Variants in TRIM9 observed in about 807,000 individuals in gnomAD.
The protein encoded by TRIM9 is E3 ubiquitin-protein ligase TRIM9.
A neutral mutation model predicts 78.3 loss-of-function variants in TRIM9; 26 were observed. That is an observed-to-expected ratio of 0.33 (90% confidence interval 0.24 to 0.46). The LOEUF is 0.46. Ranked by LOEUF, TRIM9 falls within the 20% of genes least tolerant of loss-of-function variation. TRIM9 has a pLI of 1.00. For synonymous variants in TRIM9, 398 were observed against 416.5 expected, an observed-to-expected ratio of 0.96 and a Z score of 0.54; for missense variants, 787 against 1,036.4, an observed-to-expected ratio of 0.76 and a Z score of 3.30.
intron 3 of TRIM9, among the ~76,000 whole-genome samples, chr14:51,019,276 T>C (rs990403229): frequency 1.3e-5 from 2 of 152,246 alleles, no homozygotes; most frequent in Non-Finnish European, 2.9e-5. Flanking sequence ...AATATTTTTA[T>C]TGGAAGCTCA....
intron 7 of TRIM9, chr14:50,996,605 T>C (rs956491697): frequency 2.0e-6 from 2 of 985,428 alleles, no homozygotes; most frequent in Non-Finnish European, 2.4e-6. Flanking sequence ...TGTACACACA[T>C]GGGAAATGAG....
rs2058991330 is a variant in TRIM9, at chr14:51,034,635, T to G, written c.823-9275A>C. Among the ~76,000 whole-genome samples the G allele has an allele frequency of 2.6e-5, 4 of 152,168 alleles. No individual in the cohort carries two copies. The South Asian group carries it at 8.3e-4, about 31-fold the overall frequency. ...GAATAATCAAGAATGTGTTCAAACC[T>G]TTGCTACATGAATTTCATTTCAGCT... On this transcript the variant is annotated intron_variant, in intron 1 of 12. Coordinates refer to ENST00000684578, the MANE Select transcript of TRIM9 (RefSeq NM_001387360.1).
intron 8 of TRIM9, among the ~76,000 whole-genome samples, chr14:50,984,095 A>C (rs966447012): frequency 6.6e-6 from 1 of 152,126 alleles, no homozygotes; most frequent in Non-Finnish European, 1.5e-5. Flanking sequence ...TAAGATTTGG[A>C]TACCTGTACC....
chr14:50,977,124 G>A lies in TRIM9; in HGVS notation c.*167C>T, dbSNP rs979625080. 10 of 416,108 alleles carry A rather than the reference G, an allele frequency of 2.4e-5. No homozygotes were observed. Among genetic ancestry groups the A allele is most frequent in the African/African-American group, 1.8e-4 (9 of 48,802 alleles). 25.8% of individuals were successfully genotyped at this position (416,108 alleles called of 1,614,324 possible). On this transcript the variant is annotated 3_prime_UTR_variant, in exon 13 of 13. Coordinates refer to ENST00000684578, the MANE Select transcript of TRIM9 (RefSeq NM_001387360.1). ...CATGACAGCGGAGGAGAGGTTGAAA[G>A]GGAAAAGGGCAGAGCTGTGGGTGTA...
chr14:51,071,582 C>G (rs374921511), intron 1 of TRIM9, among the ~76,000 whole-genome samples: 2 of 151,360 alleles, frequency 1.3e-5, no homozygotes, highest in African/African-American at 4.9e-5. Flanking sequence ...GTAGGATGAT[C>G]GCTTGAGCTC....
At chr14:50,997,251 C>T (rs1368273971) in intron 7 of TRIM9, 7 of 985,170 alleles carry the variant, frequency 7.1e-6, no homozygotes, top group Non-Finnish European at 8.4e-6. Flanking sequence ...TATATCTGGC[C>T]ATCAAATTCA....
chr14:51,015,479 A>G (rs2139686540), intron 3 of TRIM9, among the ~76,000 whole-genome samples: 1 of 146,854 alleles, frequency 6.8e-6, no homozygotes, highest in East Asian at 2.0e-4. Flanking sequence ...TTTTTTAAAT[A>G]AATGCTTTTT....
At chr14:51,084,854 T>C (rs144779127) in intron 1 of TRIM9, among the ~76,000 whole-genome samples, 60 of 152,318 alleles carry the variant, frequency 3.9e-4, no homozygotes, top group African/African-American at 1.4e-3. Context: ...AGAGGTAGAT[T>C]ATGTCATAGA....
intron 7 of TRIM9, chr14:50,996,103 A>G: frequency 1.0e-6 from 1 of 985,418 alleles, no homozygotes; most frequent in Non-Finnish European, 1.2e-6. Context: ...TTTCATCATG[A>G]GAAAATTACT....
chr14:51,059,177 C>T (rs1243320927), intron 1 of TRIM9, among the ~76,000 whole-genome samples: 1 of 152,158 alleles, frequency 6.6e-6, no homozygotes, highest in Non-Finnish European at 1.5e-5. Context: ...AGTGAAACAC[C>T]GATCAGAAAA....
At chr14:51,065,036 G>A in intron 1 of TRIM9, among the ~76,000 whole-genome samples, 1 of 152,018 alleles carries the variant, frequency 6.6e-6, no homozygotes, top group East Asian at 1.9e-4. Context: ...TCAAAACCTA[G>A]GGAATCAAGA....
At chr14:51,076,250 A>T (rs2062772796) in intron 1 of TRIM9, among the ~76,000 whole-genome samples, 1 of 152,240 alleles carries the variant, frequency 6.6e-6, no homozygotes. Context: ...GTTCTTTCTC[A>T]GAATGTACTG....
At chr14:51,069,401 T>C (rs1190359373) in intron 1 of TRIM9, among the ~76,000 whole-genome samples, 1 of 152,126 alleles carries the variant, frequency 6.6e-6, no homozygotes, top group Non-Finnish European at 1.5e-5. Flanking sequence ...GGTGTAGGGA[T>C]GGATACACAG....
At chr14:51,010,603 A>C (rs1036320908) in intron 3 of TRIM9, 109 bp from the exon 4 acceptor site, 2 of 742,322 alleles carry the variant, frequency 2.7e-6, no homozygotes, top group African/African-American at 3.5e-5. Flanking sequence ...TCCATTCTGG[A>C]ATGGAACTAA....
chr14:51,042,959 T>C (rs1168515555), intron 1 of TRIM9, among the ~76,000 whole-genome samples: 2 of 152,242 alleles, frequency 1.3e-5, no homozygotes, highest in African/African-American at 4.8e-5. Context: ...CATGTCTCTA[T>C]ATATCTATTC....
In TRIM9 at chr14:50,983,385, T is replaced by C; in HGVS notation, c.1829A>G (p.Gln610Arg). ...NFETQSAPYSQLVDIKKLLAV... is the reference protein window; with the variant it reads ...NFETQSAPYSRLVDIKKLLAV... ...ATTACAATAGGTATACTTGCCTAAT[T>C]GAGAGTAAGGTGCAGATTGTGTCTC... The change falls in exon 9 of 13, where the codon CAA becomes CGA. Residue 610 changes from glutamine (Q) to arginine (R), a missense_variant. Gln to Arg is a conservative substitution (Grantham distance 43). This residue lies in a region of TRIM9 where 421 missense variants were observed against 514.3 expected (regional missense o/e 0.82). Coordinates refer to ENST00000684578, the MANE Select transcript of TRIM9 (RefSeq NM_001387360.1). 6.5e-7 allele frequency: 1 copy of C among 1,542,038 alleles called. No individual in the cohort carries two copies. The highest frequency in any genetic ancestry group is 8.8e-7 in the Non-Finnish European group (1 of 1,141,534).
intron 1 of TRIM9, among the ~76,000 whole-genome samples, chr14:51,093,810 C>T (rs2064666958): frequency 6.6e-6 from 1 of 152,234 alleles, no homozygotes; most frequent in Admixed American, 6.5e-5. Flanking sequence ...ACACACTGGC[C>T]GCGGCCACTG....
chr14:51,014,235 A>T (rs1432250980), intron 3 of TRIM9, among the ~76,000 whole-genome samples: 1 of 152,176 alleles, frequency 6.6e-6, no homozygotes, highest in Non-Finnish European at 1.5e-5. Context: ...AGCATGGTTT[A>T]TTGGGTGCTG....
At chr14:51,017,275 C>T (rs560801023) in intron 3 of TRIM9, among the ~76,000 whole-genome samples, 3 of 152,296 alleles carry the variant, frequency 2.0e-5, no homozygotes, top group African/African-American at 7.2e-5. Flanking sequence ...TTAATTTACC[C>T]ACACTGGCAA....
Sources: allele counts gnomAD v4.1 joint callset (sites outside exome capture counted in the v4.1 genomes callset), GRCh38; gene constraint gnomAD v4.1.1; regional missense constraint gnomAD v4.1.1; transcripts MANE v1.5; gene names NCBI Gene and HGNC (gene_info 2026-07-23, HGNC 2026-07-21).